The following NR1H3 variants were observed in gnomAD, a reference collection of about 807,000 sequenced individuals.
NR1H3 encodes oxysterols receptor LXR-alpha.
NR1H3 carries 19 observed loss-of-function variants against 48.1 expected under a neutral mutation model. The ratio of observed to expected loss-of-function variants is 0.40; its 90% CI spans 0.28 to 0.58. The LOEUF (loss-of-function observed/expected upper bound fraction) is 0.58, where lower values mean the gene tolerates loss of function less well. NR1H3 is among the 20% of genes least tolerant of loss of function. NR1H3 has a pLI of 0.50. For synonymous variants in NR1H3, 232 were observed against 227.3 expected (o/e 1.02, Z -0.19); for missense variants, 486 against 595.9 (o/e 0.82, Z 1.92).
In NR1H3 at chr11:47,258,946, TGA is replaced by T. The variant is rs1424381592; in HGVS notation, c.-37-230_-37-229del. The T allele has an allele frequency of 5.0e-6, 3 of 600,214 alleles. No individual in the cohort carries two copies. In the Admixed American group the frequency reaches 1.0e-4, roughly 20 times the overall value. The allele number at this position is 600,214 out of a possible 1,614,324, so 37.2% of individuals were successfully genotyped here. ...ATCCCCACACTTTGGGAGGCCCAGG[TGA>T]GAGGATCACTTGAGCCCAGGAATTC... is the stretch of plus-strand genomic sequence containing the variant. On this transcript the variant is annotated intron_variant, in intron 1 of 9. Transcript: ENST00000441012.
chr11:47,251,706 CCT>C (rs1954671434), intron 1 of NR1H3, among the ~76,000 whole-genome samples: 1 of 152,092 alleles, frequency 6.6e-6, no homozygotes, highest in African/African-American at 2.4e-5. Context: ...TTTTAATGGG[CCT>C]CTTACTCCTT....
At chr11:47,260,337 G>A in intron 3 of NR1H3, 72 bp from the exon 4 acceptor site, 1 of 1,538,960 alleles carries the variant, frequency 6.5e-7, no homozygotes, top group Non-Finnish European at 8.8e-7. Flanking sequence ...AGTGCCCAGG[G>A]CAGTGGCTGA....
chr11:47,262,998 A>G (rs1956069766), intron 7 of NR1H3, among the ~76,000 whole-genome samples: 1 of 152,174 alleles, frequency 6.6e-6, no homozygotes, highest in Non-Finnish European at 1.5e-5. Flanking sequence ...TTCAAACTGT[A>G]TTCCAAGGAA....
upstream of NR1H3, among the ~76,000 whole-genome samples, chr11:47,255,551 TTCTTTC>T (rs1554981214): frequency 1.8e-5 from 1 of 56,670 alleles, no homozygotes; most frequent in Non-Finnish European, 3.5e-5. Context: ...TTTTCTTTCT[TTCTTTC>T]TTTCTTTCTT....
At chr11:47,266,642 TTTTC>T (rs1378798985) in intron 7 of NR1H3, among the ~76,000 whole-genome samples, 30 of 145,914 alleles carry the variant, frequency 2.1e-4, no homozygotes, top group African/African-American at 4.5e-4. Flanking sequence ...CCTTTTTTCT[TTTTC>T]TTTTTTTTTT....
At chr11:47,264,273 G>C (rs1956232426) in intron 7 of NR1H3, among the ~76,000 whole-genome samples, 1 of 152,158 alleles carries the variant, frequency 6.6e-6, no homozygotes, top group South Asian at 2.1e-4. Context: ...CTCAGGGCTG[G>C]TAGATCTGTG....
chr11:47,263,846 G>A (rs893608721), intron 7 of NR1H3, among the ~76,000 whole-genome samples: 3 of 151,616 alleles, frequency 2.0e-5, no homozygotes, highest in East Asian at 3.9e-4. Flanking sequence ...CAGGCAATCC[G>A]CCCGCCTTGG....
At chr11:47,259,507 C>T in intron 2 of NR1H3, 1 of 1,530,616 alleles carries the variant, frequency 6.5e-7, no homozygotes, top group Non-Finnish European at 8.8e-7. Context: ...GAGTGCTTAC[C>T]CTGCTCTGGC....
At chr11:47,267,789 G>A (rs367878112) in intron 7 of NR1H3, 124 bp from the exon 8 acceptor site, 18 of 700,914 alleles carry the variant, frequency 2.6e-5, no homozygotes, top group South Asian at 1.9e-4. Flanking sequence ...GATTACAGGC[G>A]TGAGCCACTG....
chr11:47,254,945 C>G (rs924116091), upstream of NR1H3, among the ~76,000 whole-genome samples: 1 of 152,230 alleles, frequency 6.6e-6, no homozygotes, highest in Non-Finnish European at 1.5e-5. Flanking sequence ...TGCCCTGGCC[C>G]CCGTCCTTCT....
At chr11:47,248,912 C>G (rs1277554656), upstream of NR1H3, 2 of 1,541,204 alleles carry the variant, frequency 1.3e-6, no homozygotes, top group East Asian at 2.4e-5. Context: ...TACTTAGGGA[C>G]CTGCTGGGGT....
At position 47,268,553 on chromosome 11, in the gene NR1H3, C is replaced by G; in HGVS notation, c.1201C>G (p.Arg401Gly). ...AYVSIHHPHD[R>G]LMFPRMLMKL... ...TTTGTCTCTCTCCTTTCCCCAGGACCGACTGATGTTCCCACGGATGCTAAT... is the reference window on the plus strand; with the variant it reads ...TTTGTCTCTCTCCTTTCCCCAGGACGGACTGATGTTCCCACGGATGCTAAT... The change falls in exon 10 of 10, where the codon CGA (arginine) becomes GGA (glycine). Residue 401 changes from arginine to glycine, a missense_variant. By Grantham distance (125) the Arg-to-Gly change is moderately radical. Coordinates refer to ENST00000441012, the MANE Select transcript of NR1H3 (RefSeq NM_005693.4). 1 of 1,614,186 alleles carries G rather than the reference C, an allele frequency of 6.2e-7. No homozygotes were observed. Among genetic ancestry groups the G allele is most frequent in the Non-Finnish European group, 8.5e-7 (1 of 1,180,028 alleles).
intron 7 of NR1H3, among the ~76,000 whole-genome samples, chr11:47,263,167 A>G (rs1411784883): frequency 2.0e-5 from 3 of 152,156 alleles, no homozygotes; most frequent in Non-Finnish European, 4.4e-5. Flanking sequence ...GCTTGAAAAA[A>G]AAGTTTGAAA....
At chr11:47,253,181 C>A (rs1954811242), upstream of NR1H3, among the ~76,000 whole-genome samples, 1 of 118,518 alleles carries the variant, frequency 8.4e-6, no homozygotes, top group Non-Finnish European at 1.7e-5. Flanking sequence ...GTTGCCTAGG[C>A]TAGTCTCAAA....
At chr11:47,263,908 C>T (rs1415904896) in intron 7 of NR1H3, among the ~76,000 whole-genome samples, 1 of 152,128 alleles carries the variant, frequency 6.6e-6, no homozygotes, top group Non-Finnish European at 1.5e-5. Context: ...AGGCCCCTCC[C>T]CTACTCTTTT....
chr11:47,255,541 T>TTCTC (rs1375767131), upstream of NR1H3, among the ~76,000 whole-genome samples: 547 of 71,616 alleles, frequency 7.6e-3, 11 homozygotes, highest in East Asian at 0.043. Flanking sequence ...CTTTCTTTCT[T>TTCTC]TTTCTTTCTT....
chr11:47,256,931 C>T (rs976887326), upstream of NR1H3, among the ~76,000 whole-genome samples: 5 of 151,920 alleles, frequency 3.3e-5, no homozygotes, highest in Admixed American at 6.6e-5. Context: ...GGGGTTTCAC[C>T]GTGTTAGCCA....
intron 1 of NR1H3, among the ~76,000 whole-genome samples, chr11:47,251,480 C>T (rs1486431158): frequency 2.0e-5 from 3 of 151,990 alleles, no homozygotes; most frequent in Non-Finnish European, 4.4e-5. Context: ...GTCGTGGTGG[C>T]GTGTGCCTGT....
chr11:47,255,569 CTT>C (rs1261649370), upstream of NR1H3, among the ~76,000 whole-genome samples: 1 of 87,988 alleles, frequency 1.1e-5, no homozygotes, highest in Admixed American at 1.2e-4. Flanking sequence ...TTCTTTCTTT[CTT>C]TCTTTCTTTC....
Sources: allele counts gnomAD v4.1 joint callset (sites outside exome capture counted in the v4.1 genomes callset), GRCh38; gene constraint gnomAD v4.1.1; transcripts MANE v1.5; gene names NCBI Gene and HGNC (gene_info 2026-07-23, HGNC 2026-07-21).